TRAPPC12: variants seen among roughly 807,000 people sequenced by gnomAD.
TRAPPC12 encodes trafficking protein particle complex subunit 12, also known as TPR repeat protein 15.
A neutral mutation model predicts 69.2 loss-of-function variants in TRAPPC12; 61 were observed. The ratio of observed to expected loss-of-function variants is 0.88; its 90% CI spans 0.72 to 1.09. The LOEUF (loss-of-function observed/expected upper bound fraction) is 1.09, where lower values mean the gene tolerates loss of function less well. Among genes scored for constraint, TRAPPC12 ranks in the 50% least tolerant of loss-of-function variants. The pLI is 0.00. For missense variants in TRAPPC12, 1,101 were observed against 1,016.4 expected, an observed-to-expected ratio of 1.08 and a Z score of -1.13; for synonymous variants, 469 against 438.9, an observed-to-expected ratio of 1.07 and a Z score of -0.86.
At chr2:3,433,884 C>CT (rs796784425) in intron 5 of TRAPPC12, among the ~76,000 whole-genome samples, 58 of 151,506 alleles carry the variant, frequency 3.8e-4, no homozygotes, top group Non-Finnish European at 5.2e-4. Flanking sequence ...CTAGCTTCTC[C>CT]TTTTTTTTTC....
Position 3,401,856 on chromosome 2 carries a change from C to G in TRAPPC12, c.1127C>G (p.Ser376Ter), listed in dbSNP as rs1572101517. Reference protein sequence around the residue: ...AAKRQVLNADSVEQSFVGLKQ... With the variant: ...AAKRQVLNAD Reference sequence around the variant, plus strand: ...AAGAGACAAGTCCTAAATGCCGACTCAGTGGAACAATCTTTTGTTGGATTG... The same window carrying G: ...AAGAGACAAGTCCTAAATGCCGACTGAGTGGAACAATCTTTTGTTGGATTG... The change falls in exon 3 of 12, where the codon TCA becomes TGA. Residue 376 changes from serine to a stop codon, truncating the protein, a stop_gained. Transcript: ENST00000324266. LOFTEE classifies it high-confidence loss of function. 1.3e-6 allele frequency: 2 copies of G among 1,599,104 alleles called. No homozygotes were observed. The highest frequency in any genetic ancestry group is 1.7e-4 in the Middle Eastern group (1 of 6,032).
intron 5 of TRAPPC12, among the ~76,000 whole-genome samples, chr2:3,441,094 A>T (rs1284478886): frequency 6.6e-6 from 1 of 152,046 alleles, no homozygotes; most frequent in Non-Finnish European, 1.5e-5. Flanking sequence ...TTAGTTTGCT[A>T]ATTTTGTTGA....
At chr2:3,460,388 G>A in intron 8 of TRAPPC12, 52 bp downstream of exon 8, 1 of 841,840 alleles carries the variant, frequency 1.2e-6, no homozygotes. Flanking sequence ...AGCGGGGTCA[G>A]TGGGAGCCGC....
At chr2:3,464,252 C>T (rs6748494) in intron 8 of TRAPPC12, among the ~76,000 whole-genome samples, 10,549 of 152,180 alleles carry the variant, frequency 0.069, 1,194 homozygotes, top group African/African-American at 0.24. Flanking sequence ...AGCAGGAAGG[C>T]GTGGGAAAGG....
In TRAPPC12 at chr2:3,388,688, A is replaced by G. The variant is rs749539346; in HGVS notation, c.1047+18A>G. On this transcript the variant is annotated intron_variant, in intron 2 of 11. Coordinates refer to ENST00000324266, the MANE Select transcript of TRAPPC12 (RefSeq NM_016030.6). ...ACATCCAGGTGAGCCCGGGTCTCCC[A>G]CCTCCGCAGCCCGTGCCTCCTCTCT... The G allele has an allele frequency of 2.0e-6, 3 of 1,516,448 alleles. No individual in the cohort carries two copies. The Admixed American group carries it at 5.9e-5, about 30-fold the overall frequency. The allele number at this position is 1,516,448 out of a possible 1,614,324, so 93.9% of individuals were successfully genotyped here. A position where few individuals can be genotyped will look rare whatever the true frequency, so the allele number is the denominator to read the frequency against.
At chr2:3,398,762 C>T (rs1374660667) in intron 2 of TRAPPC12, among the ~76,000 whole-genome samples, 1 of 152,212 alleles carries the variant, frequency 6.6e-6, no homozygotes, top group African/African-American at 2.4e-5. Flanking sequence ...ATGCACCTGA[C>T]CAGGAGAATG....
intron 5 of TRAPPC12, among the ~76,000 whole-genome samples, chr2:3,441,655 AT>A (rs998262218): frequency 2.7e-5 from 4 of 148,254 alleles, no homozygotes; most frequent in Admixed American, 6.7e-5. Context: ...ATACAATAAT[AT>A]TTTTATTATT....
At chr2:3,426,084 G>C (rs534144462) in intron 5 of TRAPPC12, among the ~76,000 whole-genome samples, 3 of 152,226 alleles carry the variant, frequency 2.0e-5, no homozygotes, top group Non-Finnish European at 4.4e-5. Context: ...ATTACTCTGA[G>C]TTATCCCAGA....
At chr2:3,475,991 C>G (rs948369444) in intron 9 of TRAPPC12, among the ~76,000 whole-genome samples, 2 of 152,196 alleles carry the variant, frequency 1.3e-5, no homozygotes, top group Non-Finnish European at 2.9e-5. Context: ...GAGATGCAGG[C>G]GTTCGAGCTG....
chr2:3,436,820 C>T (rs1471876647), intron 5 of TRAPPC12, among the ~76,000 whole-genome samples: 97 of 138,418 alleles, frequency 7.0e-4, no homozygotes, highest in Non-Finnish European at 1.2e-3. Flanking sequence ...CCCCCATCAC[C>T]CCAGGATTAA....
At chr2:3,478,148 GTT>G (rs1666379674) in intron 10 of TRAPPC12, 1 of 173,596 alleles carries the variant, frequency 5.8e-6, no homozygotes, top group Non-Finnish European at 1.2e-5. Flanking sequence ...GTGCTCTGGT[GTT>G]CTGTGTCTGG....
rs1374355312 is a variant in TRAPPC12 at position 3,479,426 on chromosome 2, G to T, written c.2173G>T (p.Asp725Tyr). 6.2e-7 allele frequency: 1 copy of T among 1,613,950 alleles called. No homozygotes were observed. Among genetic ancestry groups the T allele is most frequent in the Admixed American group, 1.7e-5 (1 of 60,008 alleles). The change falls in exon 12 of 12, where the codon GAC (aspartate) becomes TAC (tyrosine). Residue 725 changes from aspartate to tyrosine, a missense_variant. Asp to Tyr is a radical substitution (Grantham distance 160). Coordinates refer to ENST00000324266, the MANE Select transcript of TRAPPC12 (RefSeq NM_016030.6). ...GGAGGCTGTCGCCGGCAAGGAGGGG[G>T]ACAGCTTCAACACACAGTGCCTCAA... ...LLEAVAGKEG[D>Y]SFNTQCLKLA
At chr2:3,390,851 G>A (rs1328780284) in intron 2 of TRAPPC12, among the ~76,000 whole-genome samples, 1 of 152,104 alleles carries the variant, frequency 6.6e-6, no homozygotes, top group African/African-American at 2.4e-5. Context: ...GCAATATATG[G>A]AAGATCTCTA....
At chr2:3,386,693 T>C (rs1477257718) in intron 1 of TRAPPC12, among the ~76,000 whole-genome samples, 1 of 151,196 alleles carries the variant, frequency 6.6e-6, no homozygotes, top group African/African-American at 2.4e-5. Context: ...GCAGATAATA[T>C]GAGCTGGGGC....
rs750481986 is a variant in TRAPPC12 at position 3,457,659 on chromosome 2, C to T, written c.1569C>T (p.Gly523=). ...ANLEQGLAED[G]GMSSVTQEGR... ...TGGAGCAAGGCTTAGCAGAAGACGGCGGCATGAGCAGCGTGACTCAGGAGG... is the reference window on the plus strand; with the variant it reads ...TGGAGCAAGGCTTAGCAGAAGACGGTGGCATGAGCAGCGTGACTCAGGAGG... The change falls in exon 7 of 12, where the codon GGC becomes GGT. Residue 523 remains glycine (G), a synonymous_variant. Transcript: ENST00000324266. 13 of 1,611,788 alleles carry T rather than the reference C, an allele frequency of 8.1e-6. No individual in the cohort carries two copies. The highest frequency in any genetic ancestry group is 5.0e-5 in the Admixed American group (3 of 59,998).
chr2:3,477,767 C>A lies in TRAPPC12; in HGVS notation c.1849C>A (p.Gln617Lys). ...AGTAACACAGAAATTAGATGGACTA[C>A]AGGGTAAAATCATGGTTTTGATGAA... ...EKVTQKLDGL[Q>K]GKIMVLMNSA... Residue 617 changes from glutamine to lysine, a missense_variant, in exon 10 of 12, where the codon CAG becomes AAG. Physicochemically the swap from Gln to Lys is moderately conservative, Grantham distance 53. Coordinates refer to ENST00000324266, the MANE Select transcript of TRAPPC12 (RefSeq NM_016030.6). 6.2e-7 allele frequency: 1 copy of A among 1,604,348 alleles called. No homozygotes were observed. The highest frequency in any genetic ancestry group is 1.7e-5 in the Admixed American group (1 of 57,628).
chr2:3,424,826 C>A (rs935570344), intron 5 of TRAPPC12, among the ~76,000 whole-genome samples, 163 bp downstream of exon 5: 1 of 152,236 alleles, frequency 6.6e-6, no homozygotes, highest in Non-Finnish European at 1.5e-5. Flanking sequence ...GCTCCCACTC[C>A]GATTTACCGA....
rs974068822 is a variant in TRAPPC12 at position 3,406,341 on chromosome 2, A to G, written c.1164+4448A>G. Among the ~76,000 whole-genome samples the G allele has an allele frequency of 2.0e-5, 3 of 152,172 alleles. 1 individual carries two copies. In the South Asian group the frequency reaches 6.2e-4, roughly 31 times the overall value. ...GGTAGCCTGTGAACCACTGGAAACT[A>G]TGCTCCCCAAATTGCCTTTCTTCCC... On this transcript the variant is annotated intron_variant, in intron 3 of 11. Transcript: ENST00000324266.
intron 9 of TRAPPC12, chr2:3,472,630 A>C (rs1666114595): frequency 6.6e-6 from 1 of 152,208 alleles, no homozygotes; most frequent in Non-Finnish European, 1.5e-5. Context: ...AAAACTAAAA[A>C]CTGTTGTGCT....
Sources: allele counts gnomAD v4.1 joint callset (sites outside exome capture counted in the v4.1 genomes callset), GRCh38; gene constraint gnomAD v4.1.1; transcripts MANE v1.5; gene names NCBI Gene and HGNC (gene_info 2026-07-23, HGNC 2026-07-21).